The following PRKG1 variants were observed in gnomAD, a reference collection of about 807,000 sequenced individuals.
PRKG1 encodes cGMP-dependent protein kinase 1.
Under a neutral mutation model 88.1 loss-of-function variants are expected in PRKG1, and 35 were observed. That is an observed-to-expected ratio of 0.40 (90% CI 0.30 to 0.53). The LOEUF (loss-of-function observed/expected upper bound fraction) is 0.53, where lower values mean the gene tolerates loss of function less well. PRKG1 is among the 20% of genes least tolerant of loss of function. The probability of loss-of-function intolerance (pLI) is 0.59; values close to 1 mark genes in which losing one functional copy is unlikely to be tolerated. For synonymous variants in PRKG1, 303 were observed against 292.5 expected (o/e 1.04, Z -0.37); for missense variants, 540 against 839.8 (o/e 0.64, Z 4.41).
At position 51,534,666 on chromosome 10, in the gene PRKG1, CAAAAAA is replaced by C. The variant is rs10626534; in HGVS notation, c.592+66841_592+66846del. Reference sequence around the variant, plus strand: ...TGGGCAACAGAGCGAGACTCTGTCTCAAAAAAAAAAAAAAAAGAAAGAAAGAAAGGC... The same window carrying C: ...TGGGCAACAGAGCGAGACTCTGTCTCAAAAAAAAAAGAAAGAAAGAAAGGC... On this transcript the variant is annotated intron_variant, in intron 3 of 17. Coordinates refer to ENST00000373980, the MANE Select transcript of PRKG1 (RefSeq NM_006258.4). Among the ~76,000 whole-genome samples, 19 of 120,784 alleles carry C rather than the reference CAAAAAA, an allele frequency of 1.6e-4. No individual in the cohort carries two copies. The South Asian group carries it at 3.1e-3, about 19-fold the overall frequency. The allele number at this position is 120,784 out of a possible 152,430, so 79.2% of individuals were successfully genotyped here. A position where few individuals can be genotyped will look rare whatever the true frequency, so the allele number is the denominator to read the frequency against.
intron 5 of PRKG1, among the ~76,000 whole-genome samples, chr10:52,039,980 CA>C (rs368595177): frequency 6.6e-6 from 1 of 152,090 alleles, no homozygotes; most frequent in South Asian, 2.1e-4. Flanking sequence ...TAGACAGAAA[CA>C]AAAAATCCTT....
At chr10:51,518,700 A>G (rs1041470421) in intron 3 of PRKG1, among the ~76,000 whole-genome samples, 1 of 152,180 alleles carries the variant, frequency 6.6e-6, no homozygotes, top group African/African-American at 2.4e-5. Context: ...AGAAATACTT[A>G]GGGGGTGGAT....
chr10:51,744,771 T>C (rs1308308424), intron 3 of PRKG1, among the ~76,000 whole-genome samples: 1 of 152,210 alleles, frequency 6.6e-6, no homozygotes, highest in African/African-American at 2.4e-5. Flanking sequence ...ATCACATTAA[T>C]CATGGGTCTT....
intron 2 of PRKG1, among the ~76,000 whole-genome samples, chr10:51,327,342 G>A (rs75478361): frequency 4.0e-5 from 6 of 151,236 alleles, no homozygotes; most frequent in Non-Finnish European, 8.8e-5. Flanking sequence ...GCTTGAACTC[G>A]GGAGGCAGAG....
chr10:51,913,176 G>T (rs190099332), intron 5 of PRKG1, among the ~76,000 whole-genome samples: 148 of 152,224 alleles, frequency 9.7e-4, no homozygotes, highest in African/African-American at 3.3e-3. Context: ...TGATCCGCCC[G>T]CCTTGGCCTC....
intron 7 of PRKG1, among the ~76,000 whole-genome samples, chr10:52,081,943 A>C (rs186510197): frequency 6.6e-6 from 1 of 152,120 alleles, no homozygotes; most frequent in Non-Finnish European, 1.5e-5. Flanking sequence ...GTATTAGTCC[A>C]TTCTCATGCT....
chr10:51,663,281 A>G (rs1408406878), intron 3 of PRKG1, among the ~76,000 whole-genome samples: 4 of 152,154 alleles, frequency 2.6e-5, no homozygotes, highest in Non-Finnish European at 5.9e-5. Context: ...TGTGGATGCC[A>G]TGGCTGTGTG....
chr10:51,739,097 C>A (rs1837366314), intron 3 of PRKG1, among the ~76,000 whole-genome samples: 1 of 152,176 alleles, frequency 6.6e-6, no homozygotes, highest in African/African-American at 2.4e-5. Flanking sequence ...TTTCATTTTG[C>A]TCTGTGCTCT....
At chr10:51,832,360 T>C (rs1011585965) in intron 4 of PRKG1, among the ~76,000 whole-genome samples, 1 of 152,222 alleles carries the variant, frequency 6.6e-6, no homozygotes. Context: ...ATAAGATTCC[T>C]GGTCTACTTA....
chr10:51,880,119 G>A (rs1260685175), intron 4 of PRKG1, among the ~76,000 whole-genome samples: 1 of 152,084 alleles, frequency 6.6e-6, no homozygotes, highest in Non-Finnish European at 1.5e-5. Context: ...AAATTTTATT[G>A]TATTTGATTA....
At chr10:51,371,093 G>A (rs1307710634) in intron 2 of PRKG1, among the ~76,000 whole-genome samples, 3 of 151,476 alleles carry the variant, frequency 2.0e-5, no homozygotes, top group Non-Finnish European at 2.9e-5. Flanking sequence ...TCCACCATCC[G>A]TGTCCCAAAA....
At chr10:51,164,375 A>G (rs996239419) in intron 2 of PRKG1, among the ~76,000 whole-genome samples, 1 of 152,200 alleles carries the variant, frequency 6.6e-6, no homozygotes, top group African/African-American at 2.4e-5. Flanking sequence ...CAGAAAGGAC[A>G]TCCACACCAA....
rs147310801 is a variant in PRKG1 at position 52,178,425 on chromosome 10, T to G, written c.1076+16462T>G. ...TGAGAATTTTGTAACATATCATCTA[T>G]CCTGGGGAATGTTCCATATACTGAT... is the stretch of plus-strand genomic sequence containing the variant. On this transcript the variant is annotated intron_variant, in intron 9 of 17. Transcript: ENST00000373980. 1.0e-3 allele frequency among the ~76,000 whole-genome samples: 155 copies of G among 152,252 alleles called. 1 individual carries two copies. The highest frequency in any genetic ancestry group is 3.7e-3 in the African/African-American group (152 of 41,586).
intron 2 of PRKG1, among the ~76,000 whole-genome samples, chr10:51,153,703 C>T (rs1454192574): frequency 2.0e-5 from 3 of 151,988 alleles, no homozygotes; most frequent in African/African-American, 4.8e-5. Context: ...GCATCTTCAA[C>T]TCTCCCCTTA....
At chr10:52,269,851 A>G (rs897934581) in intron 10 of PRKG1, among the ~76,000 whole-genome samples, 2 of 152,092 alleles carry the variant, frequency 1.3e-5, no homozygotes, top group African/African-American at 4.8e-5. Flanking sequence ...CATAAACAGC[A>G]CCCTGTCTGA....
At chr10:51,608,841 G>C (rs1589127657) in intron 3 of PRKG1, among the ~76,000 whole-genome samples, 1 of 152,078 alleles carries the variant, frequency 6.6e-6, no homozygotes, top group East Asian at 1.9e-4. Context: ...ACACTATGTA[G>C]GTCTAGTATA....
chr10:51,400,841 G>A (rs1026379878), intron 2 of PRKG1, among the ~76,000 whole-genome samples: 2 of 152,172 alleles, frequency 1.3e-5, no homozygotes, highest in African/African-American at 4.8e-5. Context: ...CTTTCCTCAG[G>A]TGTGTAATGA....
At chr10:51,854,891 C>T (rs1304929273) in intron 4 of PRKG1, among the ~76,000 whole-genome samples, 2 of 151,912 alleles carry the variant, frequency 1.3e-5, no homozygotes, top group Non-Finnish European at 2.9e-5. Flanking sequence ...CTTGCGCCCA[C>T]CAGCAGCTAA....
chr10:51,672,705 A>G (rs1357971688), intron 3 of PRKG1, among the ~76,000 whole-genome samples: 5 of 152,142 alleles, frequency 3.3e-5, no homozygotes, highest in Non-Finnish European at 2.9e-5. Flanking sequence ...ACATGTTTAC[A>G]TGACCCAGGC....
Sources: gnomAD v4.1 joint callset for allele counts (sites outside exome capture counted in the v4.1 genomes callset) on GRCh38, gnomAD v4.1.1 for gene constraint, MANE v1.5 for transcripts, NCBI Gene and HGNC (gene_info 2026-07-23, HGNC 2026-07-21) for gene names.